SLC17A8: variants seen among roughly 807,000 people sequenced by gnomAD.
The protein encoded by SLC17A8 is solute carrier family 17 member 8, also known as vesicular glutamate transporter 3.
Under a neutral mutation model 58.0 loss-of-function variants are expected in SLC17A8, and 31 were observed. The observed-to-expected ratio is 0.53, with a 90% CI of 0.40 to 0.72. SLC17A8 has a LOEUF of 0.72. Among genes scored for constraint, SLC17A8 ranks in the 30% least tolerant of loss-of-function variants. The probability of loss-of-function intolerance (pLI) is 0.00; values close to 1 mark genes in which losing one functional copy is unlikely to be tolerated. For synonymous variants in SLC17A8, 228 were observed against 249.0 expected, an observed-to-expected ratio of 0.92 and a Z score of 0.79; for missense variants, 655 against 727.8, an observed-to-expected ratio of 0.90 and a Z score of 1.15.
chr12:100,391,270 C>A (rs111938526), intron 3 of SLC17A8, 151 bp downstream of exon 3: 1 of 650,546 alleles, frequency 1.5e-6, no homozygotes, highest in Non-Finnish European at 2.7e-6. Flanking sequence ...TCCCAAATGA[C>A]CCTGATCTTA....
Position 100,391,137 on chromosome 12 carries a change from A to T in SLC17A8, c.473+18A>T. ...GCTAACAGGTAAGATAAATTGATAT[A>T]ACATGATACAAACCAATGAAATGTG... is the stretch of plus-strand genomic sequence containing the variant. On this transcript the variant is annotated intron_variant, in intron 3 of 11. Coordinates refer to ENST00000323346, the MANE Select transcript of SLC17A8 (RefSeq NM_139319.3). 2 of 1,495,534 alleles carry T rather than the reference A, an allele frequency of 1.3e-6. No homozygotes were observed. Among genetic ancestry groups the T allele is most frequent in the South Asian group, 2.3e-5 (2 of 88,596 alleles). 92.6% of individuals were successfully genotyped at this position (1,495,534 alleles called of 1,614,324 possible). A position where few individuals can be genotyped will look rare whatever the true frequency, so the allele number is the denominator to read the frequency against.
chr12:100,399,983 G>A (rs1311481280), intron 5 of SLC17A8, among the ~76,000 whole-genome samples: 1 of 152,120 alleles, frequency 6.6e-6, no homozygotes, highest in African/African-American at 2.4e-5. Flanking sequence ...CCCTCCTCCA[G>A]CCTGGCTTTC....
chr12:100,419,731 T>A, intron 11 of SLC17A8, 84 bp from the exon 12 acceptor site: 3 of 1,392,716 alleles, frequency 2.2e-6, no homozygotes, highest in Non-Finnish European at 3.0e-6. Flanking sequence ...GGCAGGTGCT[T>A]TTTCACAGTG....
chr12:100,403,923 C>T lies in SLC17A8; in HGVS notation c.1054-115C>T. On this transcript the variant is annotated intron_variant, in intron 8 of 11. Transcript: ENST00000323346. ...TACCCAGCTCCCACATAATTAGATG[C>T]TTAAATTTGGTGGTGGTAGGTAGGG... is the stretch of plus-strand genomic sequence containing the variant. The T allele has an allele frequency of 3.4e-6, 4 of 1,175,876 alleles. No homozygotes were observed. The South Asian group carries it at 4.9e-5, about 15-fold the overall frequency. The allele number at this position is 1,175,876 out of a possible 1,614,324, so 72.8% of individuals were successfully genotyped here.
intron 5 of SLC17A8, among the ~76,000 whole-genome samples, chr12:100,397,767 C>T (rs2136001036): frequency 6.6e-6 from 1 of 152,102 alleles, no homozygotes; most frequent in South Asian, 2.1e-4. Flanking sequence ...CATGGTGAAA[C>T]CCCATCTCTA....
chr12:100,398,889 A>C (rs1422269189), intron 5 of SLC17A8, among the ~76,000 whole-genome samples: 1 of 152,138 alleles, frequency 6.6e-6, no homozygotes, highest in African/African-American at 2.4e-5. Context: ...GTTTCTCTGC[A>C]CAAGCTCTCT....
At position 100,391,130 on chromosome 12, in the gene SLC17A8, TTGATATAACA is replaced by T; in HGVS notation, c.473+17_473+26del. On this transcript the variant is annotated intron_variant, in intron 3 of 11. Transcript: ENST00000323346. ...GTTTGCTGCTAACAGGTAAGATAAATTGATATAACATGATACAAACCAATGAAATGTGGCT... is the reference window on the plus strand; with the variant it reads ...GTTTGCTGCTAACAGGTAAGATAAATTGATACAAACCAATGAAATGTGGCT... 6.5e-7 allele frequency: 1 copy of T among 1,534,448 alleles called. No homozygotes were observed. Among genetic ancestry groups the T allele is most frequent in the Non-Finnish European group, 9.0e-7 (1 of 1,107,650 alleles).
intron 2 of SLC17A8, among the ~76,000 whole-genome samples, chr12:100,387,448 G>T (rs1952684151): frequency 6.6e-6 from 1 of 152,144 alleles, no homozygotes; most frequent in African/African-American, 2.4e-5. Context: ...TGGTTTTAAT[G>T]GGTCTCAAAT....
At chr12:100,363,429 T>A (rs1344716887) in intron 1 of SLC17A8, among the ~76,000 whole-genome samples, 2 of 152,144 alleles carry the variant, frequency 1.3e-5, no homozygotes, top group Non-Finnish European at 2.9e-5. Context: ...ATGCAGCGGC[T>A]TGATCTCAGC....
At chr12:100,409,948 T>C (rs985501444) in intron 9 of SLC17A8, among the ~76,000 whole-genome samples, 4 of 152,180 alleles carry the variant, frequency 2.6e-5, no homozygotes, top group African/African-American at 9.7e-5. Context: ...ACTATACTCA[T>C]GATATGGAGC....
intron 1 of SLC17A8, among the ~76,000 whole-genome samples, chr12:100,358,864 G>A (rs886178953): frequency 5.9e-5 from 9 of 152,144 alleles, no homozygotes; most frequent in South Asian, 2.1e-4. Flanking sequence ...ACCATAGGCC[G>A]GGCGCAGTGG....
chr12:100,373,320 CTCTTAT>C (rs771044789), intron 1 of SLC17A8, among the ~76,000 whole-genome samples: 1 of 152,070 alleles, frequency 6.6e-6, no homozygotes, highest in Non-Finnish European at 1.5e-5. Flanking sequence ...CGTTTTTCTT[CTCTTAT>C]TCTTAAATAA....
intron 10 of SLC17A8, among the ~76,000 whole-genome samples, chr12:100,415,712 G>A (rs930434700): frequency 6.6e-6 from 1 of 152,204 alleles, no homozygotes; most frequent in Admixed American, 6.5e-5. Flanking sequence ...TTACAGGCAT[G>A]AGCCACCACA....
At chr12:100,403,524 A>G (rs1952806405) in intron 8 of SLC17A8, among the ~76,000 whole-genome samples, 3 of 152,284 alleles carry the variant, frequency 2.0e-5, no homozygotes, top group Admixed American at 1.3e-4. Context: ...ACCTCTTTCA[A>G]TGCTCCCAGA....
At chr12:100,403,926 A>T in intron 8 of SLC17A8, 112 bp from the exon 9 acceptor site, 1 of 1,208,542 alleles carries the variant, frequency 8.3e-7, no homozygotes, top group Non-Finnish European at 1.2e-6. Context: ...TTAGATGCTT[A>T]AATTTGGTGG....
intron 9 of SLC17A8, among the ~76,000 whole-genome samples, chr12:100,411,323 A>G (rs113486637): frequency 0.01 from 1,591 of 152,174 alleles, 25 homozygotes; most frequent in African/African-American, 0.033. Flanking sequence ...TCTACTAAAA[A>G]TACAAAATTA....
chr12:100,404,141 C>A lies in SLC17A8; in HGVS notation c.1157C>A (p.Thr386Asn), dbSNP rs964871931. ...YLRSRQILTT[T>N]AVRKIMNCGG... ...AGAAGCAGACAAATTTTAACCACAA[C>A]TGCTGTCAGAAAAATCATGAACTGT... The change falls in exon 9 of 12, where the codon ACT becomes AAT. Residue 386 changes from threonine (T) to asparagine (N), a missense_variant. Thr to Asn is a moderately conservative substitution (Grantham distance 65). Coordinates refer to ENST00000323346, the MANE Select transcript of SLC17A8 (RefSeq NM_139319.3). The A allele has an allele frequency of 2.5e-6, 4 of 1,614,222 alleles. No homozygotes were observed.
intron 1 of SLC17A8, among the ~76,000 whole-genome samples, chr12:100,357,782 A>G (rs1952458768): frequency 6.6e-6 from 1 of 152,234 alleles, no homozygotes; most frequent in African/African-American, 2.4e-5. Context: ...TTGGCATTGA[A>G]TTAGAAAATA....
rs569076129 is a variant in SLC17A8, at chr12:100,371,630, C to T, written c.102-9071C>T. On this transcript the variant is annotated intron_variant, in intron 1 of 11. Coordinates refer to ENST00000323346, the MANE Select transcript of SLC17A8 (RefSeq NM_139319.3). ...AGGCTGGAGTGCAGTTCACTGCAACCGCCACCTCCCAGGTTCAAGTGATTC... is the reference window on the plus strand; with the variant it reads ...AGGCTGGAGTGCAGTTCACTGCAACTGCCACCTCCCAGGTTCAAGTGATTC... Among the ~76,000 whole-genome samples the T allele has an allele frequency of 7.2e-5, 11 of 152,192 alleles. No individual in the cohort carries two copies. The South Asian group carries it at 1.2e-3, about 17-fold the overall frequency.
Sources: allele counts gnomAD v4.1 joint callset (sites outside exome capture counted in the v4.1 genomes callset), GRCh38; gene constraint gnomAD v4.1.1; transcripts MANE v1.5; gene names NCBI Gene and HGNC (gene_info 2026-07-23, HGNC 2026-07-21).